TSPAN16: variants seen among roughly 807,000 people sequenced by gnomAD.
TSPAN16 encodes tetraspanin 16.
A neutral mutation model predicts 25.2 loss-of-function variants in TSPAN16; 23 were observed. The ratio of observed to expected loss-of-function variants is 0.91; its 90% CI spans 0.66 to 1.29. TSPAN16 has a LOEUF of 1.29. TSPAN16 is among the 50% of genes most tolerant of loss of function. The pLI is 0.00. For missense variants in TSPAN16, 272 were observed against 299.9 expected, an observed-to-expected ratio of 0.91 and a Z score of 0.69; for synonymous variants, 123 against 124.4, an observed-to-expected ratio of 0.99 and a Z score of 0.08.
In TSPAN16 at chr19:11,310,138, G is replaced by A. The variant is rs181746373; in HGVS notation, c.604-2001G>A. Among the ~76,000 whole-genome samples the A allele has an allele frequency of 4.7e-3, 721 of 152,106 alleles. 9 individuals carry two copies. The highest frequency in any genetic ancestry group is 0.026 in the Admixed American group (398 of 15,252). ...AAAACTATTATGTGAAAGGGGGCAC[G>A]GAACAGTGACAACAGCAAGTTCAAT... On this transcript the variant is annotated intron_variant, in intron 5 of 6. Transcript: ENST00000590327.
chr19:11,321,855 G>A (rs1196883248), intron 6 of TSPAN16, among the ~76,000 whole-genome samples: 2 of 152,180 alleles, frequency 1.3e-5, no homozygotes, highest in African/African-American at 4.8e-5. Context: ...TTTACTAGAA[G>A]TAGTTGAGGG....
chr19:11,319,577 G>C (rs1034437129), downstream of TSPAN16, among the ~76,000 whole-genome samples: 9 of 151,640 alleles, frequency 5.9e-5, no homozygotes, highest in Non-Finnish European at 1.2e-4. Flanking sequence ...CAGCCTGGGC[G>C]ACAGAGCGAG....
intron 4 of TSPAN16, among the ~76,000 whole-genome samples, chr19:11,304,142 T>C (rs2080600307): frequency 6.6e-6 from 1 of 151,618 alleles, no homozygotes; most frequent in South Asian, 2.1e-4. Flanking sequence ...GACTCCCATC[T>C]TGATTCTTGG....
downstream of TSPAN16, among the ~76,000 whole-genome samples, chr19:11,320,931 G>A (rs1453035998): frequency 6.6e-6 from 1 of 152,048 alleles, no homozygotes; most frequent in East Asian, 1.9e-4. Context: ...AGCATTTTGG[G>A]AGGCCAAGGT....
At chr19:11,310,834 T>C (rs2080682844) in intron 5 of TSPAN16, among the ~76,000 whole-genome samples, 1 of 149,128 alleles carries the variant, frequency 6.7e-6, no homozygotes, top group African/African-American at 2.5e-5. Flanking sequence ...CATTCTTTTA[T>C]ATTTATGTAT....
intron 4 of TSPAN16, 32 bp from the exon 5 acceptor site, chr19:11,306,572 G>T: frequency 6.2e-7 from 1 of 1,611,598 alleles, no homozygotes; most frequent in Non-Finnish European, 8.5e-7. Context: ...ATTTGAAAGG[G>T]ACTCTCCAAG....
At chr19:11,322,940 C>T (rs973399779) in intron 6 of TSPAN16, 2 of 152,044 alleles carry the variant, frequency 1.3e-5, no homozygotes, top group Non-Finnish European at 2.9e-5. Context: ...AAGGTGAAAC[C>T]GTCGCTACTA....
chr19:11,300,548 C>T (rs1285130420), intron 3 of TSPAN16, among the ~76,000 whole-genome samples: 2 of 152,124 alleles, frequency 1.3e-5, no homozygotes, highest in Non-Finnish European at 2.9e-5. Context: ...CTGTCGAGAA[C>T]AGCCAGACGC....
downstream of TSPAN16, among the ~76,000 whole-genome samples, chr19:11,320,744 C>CA (rs2080773797): frequency 6.6e-6 from 1 of 150,996 alleles, no homozygotes; most frequent in Admixed American, 6.6e-5. Flanking sequence ...AGTACTAAAT[C>CA]AGGGGAGGGG....
At chr19:11,322,955 T>A (rs1319854796) in intron 6 of TSPAN16, 1 of 152,030 alleles carries the variant, frequency 6.6e-6, no homozygotes, top group East Asian at 1.9e-4. Flanking sequence ...CTACTAAAAA[T>A]GCAAAACTTA....
At chr19:11,312,319 AACT>A in intron 6 of TSPAN16, 97 bp downstream of exon 6, 3 of 592,532 alleles carry the variant, frequency 5.1e-6, no homozygotes, top group Non-Finnish European at 5.2e-6. Flanking sequence ...GAGTGAACAA[AACT>A]AAAAAAAAAA....
chr19:11,325,603 T>C, intron 6 of TSPAN16: 1 of 1,542,944 alleles, frequency 6.5e-7, no homozygotes, highest in African/African-American at 1.8e-5. Flanking sequence ...AATGTTAAGG[T>C]GGGGACACTC....
chr19:11,302,672 T>TACACAC (rs1555703599), intron 4 of TSPAN16, among the ~76,000 whole-genome samples: 35 of 124,014 alleles, frequency 2.8e-4, no homozygotes, highest in African/African-American at 1.1e-3. Flanking sequence ...TATATATATA[T>TACACAC]ATATATACAC....
intron 5 of TSPAN16, among the ~76,000 whole-genome samples, chr19:11,309,083 C>G (rs1305012359): frequency 1.3e-5 from 2 of 148,182 alleles, no homozygotes; most frequent in Non-Finnish European, 3.0e-5. Context: ...GTGGCATGAA[C>G]CTGTAGTCCC....
Position 11,312,176 on chromosome 19 carries a change from A to G in TSPAN16, c.641A>G (p.Gln214Arg). ...AAACTCCTAAAAATCACCAAGACTC[A>G]GAGCTTCACCCTGAGTGGGAGCTCT... ...FHKLLKITKT[Q>R]SFTLSGSSLG... The change falls in exon 6 of 7, where the codon CAG becomes CGG. Residue 214 changes from glutamine to arginine, a missense_variant. Coordinates refer to ENST00000590327, the MANE Select transcript of TSPAN16 (RefSeq NM_001282509.2). The G allele has an allele frequency of 6.2e-7, 1 of 1,612,710 alleles. No homozygotes were observed. Among genetic ancestry groups the G allele is most frequent in the Non-Finnish European group, 8.5e-7 (1 of 1,179,696 alleles).
chr19:11,316,186 T>C (rs956711978), downstream of TSPAN16, among the ~76,000 whole-genome samples: 20 of 150,328 alleles, frequency 1.3e-4, no homozygotes, highest in Non-Finnish European at 2.5e-4. Context: ...TGGCACGATC[T>C]CAGCTCACTG....
chr19:11,310,915 G>T (rs2080683654), intron 5 of TSPAN16, among the ~76,000 whole-genome samples: 1 of 152,022 alleles, frequency 6.6e-6, no homozygotes, highest in African/African-American at 2.4e-5. Flanking sequence ...ATGGCTCACT[G>T]CAGCCTTGAC....
intron 4 of TSPAN16, among the ~76,000 whole-genome samples, chr19:11,302,652 TAC>T (rs1326741656): frequency 8.3e-6 from 1 of 120,650 alleles, no homozygotes; most frequent in Non-Finnish European, 1.7e-5. Context: ...CATATATATA[TAC>T]ACATACATAT....
At chr19:11,325,678 C>T in intron 6 of TSPAN16, 1 of 1,241,804 alleles carries the variant, frequency 8.1e-7, no homozygotes, top group Non-Finnish European at 1.1e-6. Flanking sequence ...AAGCCTAGTT[C>T]TGCTCTTTAT....
Sources: allele counts gnomAD v4.1 joint callset (sites outside exome capture counted in the v4.1 genomes callset), GRCh38; gene constraint gnomAD v4.1.1; transcripts MANE v1.5; gene names NCBI Gene and HGNC (gene_info 2026-07-23, HGNC 2026-07-21).